The following SLC24A2 variants were observed in gnomAD, a reference collection of about 807,000 sequenced individuals.
SLC24A2 encodes sodium/potassium/calcium exchanger 2.
A neutral mutation model predicts 62.0 loss-of-function variants in SLC24A2; 36 were observed. The observed-to-expected ratio is 0.58, with a 90% CI of 0.44 to 0.77. The LOEUF (loss-of-function observed/expected upper bound fraction) is 0.77. Ranked by LOEUF, SLC24A2 falls within the 30% of genes least tolerant of loss-of-function variation. The pLI, the probability that SLC24A2 is intolerant of heterozygous loss-of-function variation, is 0.00. For synonymous variants in SLC24A2, 358 were observed against 294.0 expected (o/e 1.22, Z -2.23); for missense variants, 846 against 817.9 (o/e 1.03, Z -0.42).
the SLC24A2 span, among the ~76,000 whole-genome samples, chr9:20,140,071 A>G: frequency 2.6e-5 from 4 of 152,312 alleles, no homozygotes; most frequent in African/African-American, 9.6e-5. Flanking sequence ...AAAAGAGAAT[A>G]CAACCCTAAG....
At chr9:20,181,505 T>G in the SLC24A2 span, among the ~76,000 whole-genome samples, 298 of 152,276 alleles carry the variant, frequency 2.0e-3, 2 homozygotes, top group Non-Finnish European at 3.6e-3. Context: ...ATCTGATCTT[T>G]GACAAACCTG....
chr9:19,843,206 A>C, the SLC24A2 span, among the ~76,000 whole-genome samples: 1 of 152,204 alleles, frequency 6.6e-6, no homozygotes, highest in Non-Finnish European at 1.5e-5. Flanking sequence ...ATACTTTAAA[A>C]AAAATAATTT....
intron 7 of SLC24A2, among the ~76,000 whole-genome samples, chr9:19,560,854 TTTTAA>T (rs1835353214): frequency 6.6e-6 from 1 of 152,074 alleles, no homozygotes; most frequent in African/African-American, 2.4e-5. Context: ...ATCTTTGTTC[TTTTAA>T]TTTCTCAATG....
chr9:20,000,865 A>G, the SLC24A2 span, among the ~76,000 whole-genome samples: 1 of 152,330 alleles, frequency 6.6e-6, no homozygotes, highest in East Asian at 1.9e-4. Flanking sequence ...GTTGAGACAG[A>G]AAAGTTATGT....
At chr9:19,744,909 C>A (rs1821788148) in intron 2 of SLC24A2, among the ~76,000 whole-genome samples, 1 of 152,148 alleles carries the variant, frequency 6.6e-6, no homozygotes, top group Admixed American at 6.6e-5. Context: ...ATATGTTTCC[C>A]ACTCTTCTGA....
the SLC24A2 span, among the ~76,000 whole-genome samples, chr9:19,922,722 C>T: frequency 2.3e-4 from 35 of 152,118 alleles, no homozygotes; most frequent in South Asian, 6.2e-4. Context: ...AATATGGAAG[C>T]GCTGAAAGGA....
intron 2 of SLC24A2, among the ~76,000 whole-genome samples, chr9:19,740,812 T>A (rs536449398): frequency 3.4e-4 from 51 of 152,142 alleles, no homozygotes; most frequent in Admixed American, 4.6e-4. Flanking sequence ...TACCTGGGTG[T>A]TTGTTTCACT....
At chr9:19,862,858 A>G in the SLC24A2 span, among the ~76,000 whole-genome samples, 1 of 152,018 alleles carries the variant, frequency 6.6e-6, no homozygotes, top group South Asian at 2.1e-4. Context: ...AAAAAATAAA[A>G]AGCAAGAAAT....
At chr9:19,745,556 T>A (rs1821808468) in intron 2 of SLC24A2, among the ~76,000 whole-genome samples, 1 of 152,054 alleles carries the variant, frequency 6.6e-6, no homozygotes, top group African/African-American at 2.4e-5. Flanking sequence ...TTGATAAGCA[T>A]CCAAGGCGAT....
the SLC24A2 span, among the ~76,000 whole-genome samples, chr9:20,261,064 C>T: frequency 6.6e-6 from 1 of 151,812 alleles, no homozygotes; most frequent in Admixed American, 6.6e-5. Flanking sequence ...CCATATTGGC[C>T]AGGATGGTCT....
the SLC24A2 span, among the ~76,000 whole-genome samples, chr9:20,218,875 G>A: frequency 4.6e-5 from 7 of 152,104 alleles, no homozygotes. Context: ...TGCAATCCAG[G>A]TGTCTGCGAG....
the SLC24A2 span, among the ~76,000 whole-genome samples, chr9:20,190,555 C>G: frequency 1.3e-5 from 2 of 152,114 alleles, no homozygotes; most frequent in Non-Finnish European, 2.9e-5. Context: ...GGAGAACATA[C>G]TCCTACTAGT....
At chr9:19,725,176 T>G (rs1821135768) in intron 2 of SLC24A2, among the ~76,000 whole-genome samples, 1 of 152,152 alleles carries the variant, frequency 6.6e-6, no homozygotes, top group African/African-American at 2.4e-5. Context: ...ATCTAGAAGG[T>G]GGAGACCAGA....
At chr9:19,758,930 G>A (rs1348693853) in intron 2 of SLC24A2, among the ~76,000 whole-genome samples, 3 of 152,052 alleles carry the variant, frequency 2.0e-5, no homozygotes, top group African/African-American at 4.8e-5. Context: ...ACCCCATACC[G>A]CAATGCACCT....
intron 7 of SLC24A2, among the ~76,000 whole-genome samples, chr9:19,552,384 C>G (rs1834888023): frequency 6.6e-6 from 1 of 152,210 alleles, no homozygotes; most frequent in South Asian, 2.1e-4. Flanking sequence ...TGTTCCCTCC[C>G]AGATATGATC....
the SLC24A2 span, among the ~76,000 whole-genome samples, chr9:19,839,833 T>G: frequency 6.6e-6 from 1 of 152,196 alleles, no homozygotes. Context: ...AAAATTCACC[T>G]AGTGATGTCA....
the SLC24A2 span, among the ~76,000 whole-genome samples, chr9:20,225,497 T>C: frequency 9.5e-3 from 1,274 of 134,560 alleles, 26 homozygotes; most frequent in African/African-American, 0.036. Flanking sequence ...AAAATTCAAC[T>C]TTATTAAAGC....
At chr9:19,773,950 T>C (rs2118902794) in intron 2 of SLC24A2, among the ~76,000 whole-genome samples, 1 of 152,296 alleles carries the variant, frequency 6.6e-6, no homozygotes, top group South Asian at 2.1e-4. Context: ...GAAAGCAAGG[T>C]CAAGTCCAAA....
intron 7 of SLC24A2, among the ~76,000 whole-genome samples, chr9:19,554,558 C>CT (rs1834990477): frequency 6.6e-6 from 1 of 152,144 alleles, no homozygotes; most frequent in African/African-American, 2.4e-5. Context: ...GGAAAGCTTG[C>CT]TTTTACCTAG....
Sources: gnomAD v4.1 joint callset for allele counts (sites outside exome capture counted in the v4.1 genomes callset) on GRCh38, gnomAD v4.1.1 for gene constraint, MANE v1.5 for transcripts, NCBI Gene and HGNC (gene_info 2026-07-23, HGNC 2026-07-21) for gene names.